Variants in AK1 observed in about 807,000 individuals in gnomAD.
The protein encoded by AK1 is adenylate kinase 1.
A neutral mutation model predicts 23.9 loss-of-function variants in AK1; 13 were observed. That is an observed-to-expected ratio of 0.54 (90% confidence interval 0.35 to 0.86). The LOEUF (loss-of-function observed/expected upper bound fraction) is 0.86, where lower values mean the gene tolerates loss of function less well. Ranked by LOEUF, AK1 falls within the 40% of genes least tolerant of loss-of-function variation. The probability of loss-of-function intolerance (pLI) is 0.01; values close to 1 mark genes in which losing one functional copy is unlikely to be tolerated. For missense variants in AK1, 214 were observed against 255.1 expected, an observed-to-expected ratio of 0.84 and a Z score of 1.10; for synonymous variants, 97 against 102.8, an observed-to-expected ratio of 0.94 and a Z score of 0.34.
chr9:127,868,564 T>C lies in AK1; in HGVS notation c.325-52A>G, dbSNP rs999598544. The C allele has an allele frequency of 6.5e-7, 1 of 1,537,740 alleles. No individual in the cohort carries two copies. Among genetic ancestry groups the C allele is most frequent in the Non-Finnish European group, 8.8e-7 (1 of 1,138,328 alleles). On this transcript the variant is annotated intron_variant, in intron 5 of 6. Transcript: ENST00000644144. The surrounding 1 kb of genome is among the most constrained non-coding windows in gnomAD (Gnocchi z 4.1). ...ACCCCATTCCTGCCCCCTAGGGCCA[T>C]CTCCTCCCCATCTTCCCATCTATGA...
chr9:127,868,607 C>A lies in AK1; in HGVS notation c.325-95G>T, dbSNP rs368671161. Reference sequence around the variant, plus strand: ...ATCTATGAAGCCCCAGTAGATACCCCCTCAGACCTTCAATCCCTTCCCCAA... The same window carrying A: ...ATCTATGAAGCCCCAGTAGATACCCACTCAGACCTTCAATCCCTTCCCCAA... On this transcript the variant is annotated intron_variant, in intron 5 of 6. Coordinates refer to ENST00000644144, the MANE Select transcript of AK1 (RefSeq NM_000476.3). This position sits in a 1 kb window ranked among gnomAD's most constrained non-coding sequence, Gnocchi z 4.1. 1.7e-4 allele frequency: 242 copies of A among 1,396,010 alleles called. 2 individuals are homozygous for A. In the East Asian group the frequency reaches 4.0e-3, roughly 23 times the overall value. 86.5% of individuals were successfully genotyped at this position (1,396,010 alleles called of 1,614,324 possible).
At chr9:127,879,066 AACACACACAC>A (rs35534101), upstream of AK1, among the ~76,000 whole-genome samples, 166 of 146,010 alleles carry the variant, frequency 1.1e-3, no homozygotes, top group African/African-American at 4.0e-3. Context: ...CTAAAAATAA[AACACACACAC>A]ACACACACAC....
Position 127,871,943 on chromosome 9 carries a change from G to A in AK1, c.208-4C>T, listed in dbSNP as rs371668364. On this transcript the variant is annotated splice_region_variant and splice_polypyrimidine_tract_variant and intron_variant, in intron 4 of 6. Transcript: ENST00000644144. The surrounding 1 kb of genome is among the most constrained non-coding windows in gnomAD (Gnocchi z 4.4). ...GGAGCATGTCCAACACTGTCTCCTG[G>A]GGCACAGCAAAGGAGGAAGGGGCCA... 6.2e-7 allele frequency: 1 copy of A among 1,611,762 alleles called. No homozygotes were observed. Among genetic ancestry groups the A allele is most frequent in the Non-Finnish European group, 8.5e-7 (1 of 1,178,224 alleles).
chr9:127,869,094 C>T (rs989272869), intron 5 of AK1, among the ~76,000 whole-genome samples: 2 of 152,184 alleles, frequency 1.3e-5, no homozygotes, highest in Admixed American at 6.5e-5. Context: ...GGGTGAGGGG[C>T]TGCTGAGTCC....
chr9:127,871,291 AC>A lies in AK1; in HGVS notation c.324+531del, dbSNP rs1429970961. 6.6e-6 allele frequency among the ~76,000 whole-genome samples: 1 copy of A among 151,380 alleles called. No homozygotes were observed. Among genetic ancestry groups the A allele is most frequent in the Admixed American group, 6.6e-5 (1 of 15,242 alleles). ...GGCTCCTCATGACCCCTGGAAGGAG[AC>A]TGATGTCCCTTTATGGCATTTGCAG... On this transcript the variant is annotated intron_variant, in intron 5 of 6. Coordinates refer to ENST00000644144, the MANE Select transcript of AK1 (RefSeq NM_000476.3). The surrounding 1 kb of genome is among the most constrained non-coding windows in gnomAD (Gnocchi z 4.4).
intron 2 of AK1, chr9:127,873,588 G>T: frequency 7.0e-7 from 1 of 1,423,958 alleles, no homozygotes; most frequent in Non-Finnish European, 9.2e-7. Context: ...CGGGGTGGAG[G>T]GCTGTGGTGG....
At position 127,868,910 on chromosome 9, in the gene AK1, G is replaced by C. The variant is rs1829316581; in HGVS notation, c.325-398C>G. Among the ~76,000 whole-genome samples, 1 of 152,168 alleles carries C rather than the reference G, an allele frequency of 6.6e-6. No homozygotes were observed. The highest frequency in any genetic ancestry group is 2.1e-4 in the South Asian group (1 of 4,830). ...TTTCAGTGCGAAGCTCACTTCCTCA[G>C]GGCAGTCTCTCTGATGCCACCCCCC... On this transcript the variant is annotated intron_variant, in intron 5 of 6. Coordinates refer to ENST00000644144, the MANE Select transcript of AK1 (RefSeq NM_000476.3). This position sits in a 1 kb window ranked among gnomAD's most constrained non-coding sequence, Gnocchi z 4.1.
At position 127,877,347 on chromosome 9, in the gene AK1, G is replaced by C. The variant is rs191902395; in HGVS notation, c.-33+276C>G. ...CCTGGAGCCCCGGGAGTGCCAGCCA[G>C]AACAAAGGGGTGACTATCTCGGAGG... On this transcript the variant is annotated intron_variant, in intron 1 of 6. Transcript: ENST00000644144. The surrounding 1 kb of genome is among the most constrained non-coding windows in gnomAD (Gnocchi z 5.2). 3.4e-4 allele frequency among the ~76,000 whole-genome samples: 52 copies of C among 152,228 alleles called. No homozygotes were observed. Among genetic ancestry groups the C allele is most frequent in the Admixed American group, 9.2e-4 (14 of 15,294 alleles).
At chr9:127,873,248 G>A (rs1285961872) in intron 2 of AK1, 187 bp from the exon 3 acceptor site, 1 of 1,535,442 alleles carries the variant, frequency 6.5e-7, no homozygotes, top group African/African-American at 1.4e-5. Context: ...GAGCCTGGGA[G>A]AGGTCAGGGA....
At chr9:127,876,597 G>T (rs980293454) in intron 1 of AK1, among the ~76,000 whole-genome samples, 2 of 152,180 alleles carry the variant, frequency 1.3e-5, no homozygotes, top group Non-Finnish European at 2.9e-5. Flanking sequence ...GCCCATGGGA[G>T]GGGGAGCGTC....
At chr9:127,873,155 C>G in intron 2 of AK1, 94 bp from the exon 3 acceptor site, 4 of 1,559,984 alleles carry the variant, frequency 2.6e-6, no homozygotes, top group Non-Finnish European at 3.5e-6. Context: ...GGGCCCCAGG[C>G]GGAGGGACAG....
chr9:127,874,139 G>A, intron 2 of AK1: 1 of 985,460 alleles, frequency 1.0e-6, no homozygotes, highest in Non-Finnish European at 1.2e-6. Context: ...GCTGCCAGCA[G>A]CTGAGGGCGG....
At chr9:127,878,182 C>A (rs1352201896), upstream of AK1, among the ~76,000 whole-genome samples, 1 of 152,232 alleles carries the variant, frequency 6.6e-6, no homozygotes, top group Admixed American at 6.5e-5. Context: ...ACCTGGGACT[C>A]CTCTTCCCCT....
At position 127,876,391 on chromosome 9, in the gene AK1, G is replaced by A. The variant is rs578082086; in HGVS notation, c.-33+1232C>T. Among the ~76,000 whole-genome samples the A allele has an allele frequency of 5.3e-5, 8 of 152,366 alleles. No homozygotes were observed. The South Asian group carries it at 1.7e-3, about 32-fold the overall frequency. Reference sequence around the variant, plus strand: ...ATCTTGGGAGGAAACTGAGGCATGGGGAGGAGGACAGACTGGTTCGAGGGC... The same window carrying A: ...ATCTTGGGAGGAAACTGAGGCATGGAGAGGAGGACAGACTGGTTCGAGGGC... On this transcript the variant is annotated intron_variant, in intron 1 of 6. Transcript: ENST00000644144.
chr9:127,876,289 C>T (rs1452296824), intron 1 of AK1, among the ~76,000 whole-genome samples: 2 of 152,172 alleles, frequency 1.3e-5, no homozygotes, highest in South Asian at 2.1e-4. Context: ...TTCTGTGCTG[C>T]GGGCCTGGGA....
chr9:127,869,905 G>A (rs555297265), intron 5 of AK1, among the ~76,000 whole-genome samples: 27 of 152,360 alleles, frequency 1.8e-4, no homozygotes, highest in African/African-American at 6.5e-4. Context: ...GGGAGAGCCA[G>A]CTCAGCCTCT....
intron 2 of AK1, chr9:127,873,773 C>T (rs990400024): frequency 1.0e-6 from 1 of 985,316 alleles, no homozygotes; most frequent in African/African-American, 1.7e-5. Context: ...CCCAAGCTCC[C>T]CACTGGGCTT....
chr9:127,874,288 C>T (rs1829488173), intron 2 of AK1: 1 of 985,402 alleles, frequency 1.0e-6, no homozygotes, highest in Non-Finnish European at 1.2e-6. Flanking sequence ...CGGGGAATTG[C>T]CTTGTCCTCA....
chr9:127,870,945 C>T (rs533637372), intron 5 of AK1, among the ~76,000 whole-genome samples: 33 of 151,852 alleles, frequency 2.2e-4, no homozygotes, highest in Non-Finnish European at 3.5e-4. Context: ...GTTTATTTCT[C>T]CCATACAGCC....
Sources: allele counts gnomAD v4.1 joint callset (sites outside exome capture counted in the v4.1 genomes callset), GRCh38; gene constraint gnomAD v4.1.1; non-coding constraint Gnocchi (gnomAD v3.1); transcripts MANE v1.5; gene names NCBI Gene and HGNC (gene_info 2026-07-23, HGNC 2026-07-21).